Variants in SERPINE2 observed in about 807,000 individuals in gnomAD.
The protein encoded by SERPINE2 is serpin family E member 2.
SERPINE2 carries 14 observed loss-of-function variants against 36.3 expected under a neutral mutation model. That is an observed-to-expected ratio of 0.39 (90% CI 0.25 to 0.60). SERPINE2 has a LOEUF of 0.60. Among genes scored for constraint, SERPINE2 ranks in the 20% least tolerant of loss-of-function variants. The pLI is 0.57. For missense variants in SERPINE2, 418 were observed against 499.6 expected, an observed-to-expected ratio of 0.84 and a Z score of 1.56; for synonymous variants, 192 against 191.8, an observed-to-expected ratio of 1.00 and a Z score of -0.01.
chr2:223,996,874 C>T (rs190922962), intron 3 of SERPINE2, among the ~76,000 whole-genome samples: 2 of 152,194 alleles, frequency 1.3e-5, no homozygotes, highest in East Asian at 1.9e-4. Flanking sequence ...CCCAAGAGTT[C>T]GAGACCAGCA....
At chr2:223,977,704 T>C in intron 7 of SERPINE2, 77 bp from the exon 8 acceptor site, 1 of 930,616 alleles carries the variant, frequency 1.1e-6, no homozygotes, top group Non-Finnish European at 1.8e-6. Context: ...GTTAGCTAGC[T>C]TCATGGACCC....
intron 1 of SERPINE2, among the ~76,000 whole-genome samples, chr2:224,022,308 G>T (rs1692031796): frequency 9.8e-6 from 1 of 101,794 alleles, no homozygotes; most frequent in African/African-American, 3.6e-5. Flanking sequence ...CTCTAGCCTG[G>T]GTGATAGAGT....
chr2:224,018,337 C>A lies in SERPINE2; in HGVS notation c.-22-16415G>T, dbSNP rs138796964. Among the ~76,000 whole-genome samples, 228 of 152,288 alleles carry A rather than the reference C, an allele frequency of 1.5e-3. 1 individual carries two copies. Among genetic ancestry groups the A allele is most frequent in the African/African-American group, 5.3e-3 (222 of 41,564 alleles). On this transcript the variant is annotated intron_variant, in intron 1 of 8. Coordinates refer to ENST00000409304, the MANE Select transcript of SERPINE2 (RefSeq NM_001136528.2). ...TTTAAGAAGTTTTAGTGTGTTAAAG[C>A]CAGACCAGCCCTGCCTCAGTGGTCA...
intron 1 of SERPINE2, among the ~76,000 whole-genome samples, chr2:224,022,953 G>C (rs781725112): frequency 1.3e-5 from 2 of 152,116 alleles, no homozygotes; most frequent in Non-Finnish European, 2.9e-5. Context: ...CACTCACTCT[G>C]TCCTGTCACC....
intron 1 of SERPINE2, among the ~76,000 whole-genome samples, chr2:224,018,590 C>CA (rs35298522): frequency 0.076 from 9,924 of 130,136 alleles, 452 homozygotes; most frequent in South Asian, 0.12. Context: ...CAGTACTTCT[C>CA]AAAAAAAAAA....
At chr2:223,982,566 C>T in intron 6 of SERPINE2, 115 bp downstream of exon 6, 1 of 576,344 alleles carries the variant, frequency 1.7e-6, no homozygotes. Context: ...CAAATGAAAC[C>T]TTGTACAGTT....
chr2:224,029,154 T>C (rs1220433266), intron 1 of SERPINE2, among the ~76,000 whole-genome samples: 1 of 152,220 alleles, frequency 6.6e-6, no homozygotes, highest in African/African-American at 2.4e-5. Context: ...AACATGTCAT[T>C]AAGAAATTAG....
intron 3 of SERPINE2, 144 bp downstream of exon 3, chr2:223,997,971 G>A: frequency 1.1e-5 from 7 of 662,348 alleles, no homozygotes; most frequent in Non-Finnish European, 1.9e-5. Flanking sequence ...GAAGGAGGGA[G>A]ACTGAATAGA....
In SERPINE2 at chr2:224,031,323, A is replaced by G. The variant is rs188389236; in HGVS notation, c.-23+7776T>C. On this transcript the variant is annotated intron_variant, in intron 1 of 8. Transcript: ENST00000409304. ...TGCCACACCCTTCCTTCCCAACTAC[A>G]TGAGTGGGAATGATATCAGCATCTA... 27 of 985,242 alleles carry G rather than the reference A, an allele frequency of 2.7e-5. No individual in the cohort carries two copies. In the East Asian group the frequency reaches 2.7e-3, roughly 100 times the overall value. The allele number at this position is 985,242 out of a possible 1,614,324, so 61.0% of individuals were successfully genotyped here. A position where few individuals can be genotyped will look rare whatever the true frequency, so the allele number is the denominator to read the frequency against.
chr2:224,036,837 A>G (rs1259546032), intron 1 of SERPINE2, among the ~76,000 whole-genome samples: 1 of 151,806 alleles, frequency 6.6e-6, no homozygotes, highest in Non-Finnish European at 1.5e-5. Flanking sequence ...TACTACTAAA[A>G]AAGAAAAAAG....
At chr2:223,997,003 G>A (rs1186320226) in intron 3 of SERPINE2, among the ~76,000 whole-genome samples, 1 of 152,178 alleles carries the variant, frequency 6.6e-6, no homozygotes, top group Non-Finnish European at 1.5e-5. Context: ...CTTGAGCCCA[G>A]GAGGTTGAGG....
At chr2:224,033,662 C>CA (rs11394673) in intron 1 of SERPINE2, among the ~76,000 whole-genome samples, 80,002 of 126,382 alleles carry the variant, frequency 0.63, 23,986 homozygotes, top group South Asian at 0.72. Flanking sequence ...AGTTCCATGG[C>CA]AAAAAAAAAA....
intron 3 of SERPINE2, 25 bp from the exon 4 acceptor site, chr2:223,992,025 G>A (rs781382554): frequency 1.9e-6 from 3 of 1,609,304 alleles, no homozygotes; most frequent in Non-Finnish European, 2.5e-6. Context: ...AACAAACAAG[G>A]GAAAAATAAC....
chr2:223,988,056 A>C (rs1168423131), intron 4 of SERPINE2, among the ~76,000 whole-genome samples: 2 of 152,196 alleles, frequency 1.3e-5, no homozygotes, highest in African/African-American at 4.8e-5. Flanking sequence ...TGGAGTCCAA[A>C]GGGAGTTCGG....
At chr2:224,010,359 A>C in intron 1 of SERPINE2, 1 of 985,408 alleles carries the variant, frequency 1.0e-6, no homozygotes, top group Non-Finnish European at 1.2e-6. Context: ...AGCCGCTGAA[A>C]AGTATGGCAG....
intron 1 of SERPINE2, chr2:224,030,165 C>T: frequency 1.0e-6 from 1 of 985,440 alleles, no homozygotes; most frequent in Non-Finnish European, 1.2e-6. Context: ...TTTCATGCAA[C>T]AGCCTTCCTT....
chr2:224,005,497 C>T (rs1691389569), intron 1 of SERPINE2, among the ~76,000 whole-genome samples: 1 of 152,144 alleles, frequency 6.6e-6, no homozygotes, highest in South Asian at 2.1e-4. Flanking sequence ...TAAGAATAAG[C>T]TTTCATTTTT....
rs1198008432 is a variant in SERPINE2, at chr2:224,001,722, G to T, written c.179C>A (p.Ser60Ter). ...CCCCAGCTGAAGCATCCCCAGGACC[G>T]ACGCAATCCCATGGGGAGAGATCAC... ...NIVISPHGIA[S>*]VLGMLQLGAD... The change falls in exon 2 of 9, where the codon TCG becomes TAG. Residue 60 changes from serine (S) to a stop codon, truncating the protein, a stop_gained. Transcript: ENST00000409304. LOFTEE classifies it high-confidence loss of function. 1 of 1,614,004 alleles carries T rather than the reference G, an allele frequency of 6.2e-7. No individual in the cohort carries two copies. The highest frequency in any genetic ancestry group is 1.3e-5 in the African/African-American group (1 of 74,910).
At chr2:224,037,549 G>C (rs1692574942) in intron 1 of SERPINE2, among the ~76,000 whole-genome samples, 1 of 152,190 alleles carries the variant, frequency 6.6e-6, no homozygotes, top group South Asian at 2.1e-4. Flanking sequence ...TTTAGGTCTA[G>C]AGGAGGAGAA....
Sources: allele counts gnomAD v4.1 joint callset (sites outside exome capture counted in the v4.1 genomes callset), GRCh38; gene constraint gnomAD v4.1.1; transcripts MANE v1.5; gene names NCBI Gene and HGNC (gene_info 2026-07-23, HGNC 2026-07-21).